CD151: variants seen among roughly 807,000 people sequenced by gnomAD.
CD151 encodes CD151 antigen.
A neutral mutation model predicts 34.2 loss-of-function variants in CD151; 20 were observed. The ratio of observed to expected loss-of-function variants is 0.58; its 90% CI spans 0.41 to 0.85. The LOEUF is 0.85. CD151 is among the 40% of genes least tolerant of loss of function. The pLI is 0.00. For missense variants in CD151, 306 were observed against 324.5 expected (o/e 0.94, Z 0.44); for synonymous variants, 157 against 131.7 (o/e 1.19, Z -1.32).
intron 4 of CD151, 47 bp downstream of exon 4, chr11:836,489 CAAG>C (rs1372832221): frequency 7.1e-7 from 1 of 1,409,880 alleles, no homozygotes; most frequent in Admixed American, 2.0e-5. Context: ...CAGATGGGCC[CAAG>C]GAGGTTGTCG....
intron 1 of CD151, chr11:834,161 C>G (rs1038940734): frequency 5.3e-5 from 8 of 152,072 alleles, no homozygotes; most frequent in African/African-American, 1.9e-4. Context: ...GAGTTCGAGA[C>G]CAGCCTGGTC....
intron 1 of CD151, 112 bp downstream of exon 1, chr11:833,138 C>CCCGGAGGCCCTGCGCGCCCCAGT (rs1846593076): frequency 6.7e-6 from 1 of 148,834 alleles, no homozygotes; most frequent in African/African-American, 2.5e-5. Flanking sequence ...CGCGCCCCAG[C>CCCGGAGGCCCTGCGCGCCCCAGT]CCCGGAGGCC....
intron 1 of CD151, among the ~76,000 whole-genome samples, chr11:833,495 C>T (rs1184731905): frequency 6.6e-6 from 1 of 152,236 alleles, no homozygotes; most frequent in African/African-American, 2.4e-5. Context: ...GCCCCGGGGA[C>T]GCTTGGCAGG....
chr11:834,230 G>A (rs1477203540), intron 1 of CD151, among the ~76,000 whole-genome samples: 2 of 152,150 alleles, frequency 1.3e-5, no homozygotes, highest in Non-Finnish European at 2.9e-5. Flanking sequence ...GTGGTGGTGG[G>A]TGCCTGTAAT....
rs766643476 is a variant in CD151, at chr11:837,239, C to G, written c.352-11C>G. On this transcript the variant is annotated splice_polypyrimidine_tract_variant and intron_variant, in intron 5 of 8. Transcript: ENST00000397420. ...AGACTGAGGCTGAAGTTTCCTGCAC[C>G]CCAACCCCAGCTGAACACGGAGCTC... is the stretch of plus-strand genomic sequence containing the variant. 6 of 1,608,834 alleles carry G rather than the reference C, an allele frequency of 3.7e-6. No homozygotes were observed. In the Admixed American group the frequency reaches 1.0e-4, roughly 27 times the overall value.
rs1590211526 is a variant in CD151, at chr11:838,297, A to C, written c.*105A>C. On this transcript the variant is annotated 3_prime_UTR_variant, in exon 9 of 9. Transcript: ENST00000397420. ...ACACCCACCCTGTGCCATCACCATA[A>C]CCTCTGGGGACCCCAACCTCAGAGG... 7 of 820,604 alleles carry C rather than the reference A, an allele frequency of 8.5e-6. No individual in the cohort carries two copies. Among genetic ancestry groups the C allele is most frequent in the Middle Eastern group, 2.4e-4 (1 of 4,156 alleles). 50.8% of individuals were successfully genotyped at this position (820,604 alleles called of 1,614,324 possible). A position where few individuals can be genotyped will look rare whatever the true frequency, so the allele number is the denominator to read the frequency against.
In CD151 at chr11:836,055, C is replaced by T. The variant is rs777283624; in HGVS notation, c.-7-8C>T. The T allele has an allele frequency of 1.9e-6, 3 of 1,588,546 alleles. No individual in the cohort carries two copies. Among genetic ancestry groups the T allele is most frequent in the Admixed American group, 1.7e-5 (1 of 59,922 alleles). On this transcript the variant is annotated splice_polypyrimidine_tract_variant and splice_region_variant and intron_variant, in intron 2 of 8. Transcript: ENST00000397420. The stretch of plus-strand genomic sequence containing the variant: ...GTGGCCCCGCTGACCCCTCCCCTGC[C>T]TCCTCAGCCCCAGGATGGGTGAGTT...
intron 7 of CD151, among the ~76,000 whole-genome samples, 156 bp downstream of exon 7, chr11:837,774 A>G (rs541540091): frequency 2.0e-5 from 3 of 152,266 alleles, no homozygotes; most frequent in Admixed American, 6.5e-5. Flanking sequence ...CACACCTCCA[A>G]TATCTACGAG....
In CD151 at chr11:836,115, C is replaced by T. The variant is rs1846754742; in HGVS notation, c.46C>T (p.Leu16Phe). Reference protein sequence around the residue: ...EKKTTCGTVCLKYLLFTYNCC... With the variant: ...EKKTTCGTVCFKYLLFTYNCC... ...GAAGACAACATGTGGCACCGTTTGC[C>T]TCAAGTACCTGCTGTTTACCTACAA... The change falls in exon 3 of 9, where the codon CTC becomes TTC. Residue 16 changes from leucine (L) to phenylalanine (F), a missense_variant. By Grantham distance (22) the Leu-to-Phe change is conservative. Transcript: ENST00000397420. 3 of 1,612,876 alleles carry T rather than the reference C, an allele frequency of 1.9e-6. No homozygotes were observed. The highest frequency in any genetic ancestry group is 1.3e-5 in the African/African-American group (1 of 74,934).
Position 838,433 on chromosome 11 carries a change from C to T in CD151, c.*241C>T. On this transcript the variant is annotated 3_prime_UTR_variant, in exon 9 of 9. Coordinates refer to ENST00000397420, the MANE Select transcript of CD151 (RefSeq NM_004357.5). ...TGGGGCTCCCCAGACACACTCTCTG[C>T]CTGGTGGTCAGATGCAGGTTGGAAG... is the stretch of plus-strand genomic sequence containing the variant. 3.4e-6 allele frequency: 2 copies of T among 592,310 alleles called. No homozygotes were observed. Among genetic ancestry groups the T allele is most frequent in the South Asian group, 4.0e-5 (2 of 50,044 alleles). The allele number at this position is 592,310 out of a possible 1,614,324, so 36.7% of individuals were successfully genotyped here. A position where few individuals can be genotyped will look rare whatever the true frequency, so the allele number is the denominator to read the frequency against.
Position 838,360 on chromosome 11 carries a change from C to A in CD151, c.*168C>A. The A allele has an allele frequency of 1.9e-6, 1 of 536,004 alleles. No homozygotes were observed. The allele number at this position is 536,004 out of a possible 1,614,324, so 33.2% of individuals were successfully genotyped here. ...CCTTTTGCTGCGCACCAATGCCCAG[C>A]AGGGGAGGTGAGGGGGGCTGGCGGG... is the stretch of plus-strand genomic sequence containing the variant. On this transcript the variant is annotated 3_prime_UTR_variant, in exon 9 of 9. Transcript: ENST00000397420.
Position 838,670 on chromosome 11 carries a change from A to C in CD151, c.*478A>C. ...CGACAGCGCCCCTGCTGTCTTCCCC[A>C]CCGCAGTCACCACCACCCGAAATGC... On this transcript the variant is annotated 3_prime_UTR_variant, in exon 9 of 9. Coordinates refer to ENST00000397420, the MANE Select transcript of CD151 (RefSeq NM_004357.5). 9.7e-6 allele frequency: 2 copies of C among 206,144 alleles called. No individual in the cohort carries two copies. Among genetic ancestry groups the C allele is most frequent in the Non-Finnish European group, 2.0e-5 (2 of 100,160 alleles). 12.8% of individuals were successfully genotyped at this position (206,144 alleles called of 1,614,324 possible). A position where few individuals can be genotyped will look rare whatever the true frequency, so the allele number is the denominator to read the frequency against.
At chr11:837,113 G>A in intron 5 of CD151, 137 bp from the exon 6 acceptor site, 1 of 724,644 alleles carries the variant, frequency 1.4e-6, no homozygotes, top group Non-Finnish European at 2.4e-6. Context: ...CTCCCCTCAT[G>A]CCGAGGTGTG....
At position 836,750 on chromosome 11, in the gene CD151, C is replaced by G. The variant is rs369569073; in HGVS notation, c.277-19C>G. ...CACTAGGCCTCAGAACAAGGGTGCCCTTGTGCTGCCCCCCCCAGTACTTCA... is the reference window on the plus strand; with the variant it reads ...CACTAGGCCTCAGAACAAGGGTGCCGTTGTGCTGCCCCCCCCAGTACTTCA... On this transcript the variant is annotated intron_variant, in intron 4 of 8. Transcript: ENST00000397420. 1 of 1,612,140 alleles carries G rather than the reference C, an allele frequency of 6.2e-7. No individual in the cohort carries two copies.
chr11:833,663 A>T (rs1033329299), intron 1 of CD151, among the ~76,000 whole-genome samples: 1 of 152,118 alleles, frequency 6.6e-6, no homozygotes. Flanking sequence ...TCCTGGGAAG[A>T]GGGGCCACTC....
chr11:837,664 G>A, intron 7 of CD151, 46 bp downstream of exon 7: 1 of 1,528,032 alleles, frequency 6.5e-7, no homozygotes, highest in African/African-American at 1.6e-5. Context: ...CGAGGTGGTG[G>A]GGGGGCACCC....
rs200787857 is a variant in CD151 at position 836,177 on chromosome 11, C to T, written c.84+24C>T. The T allele has an allele frequency of 1.9e-5, 26 of 1,341,850 alleles. No homozygotes were observed. The African/African-American group carries it at 3.4e-4, about 18-fold the overall frequency. The allele number at this position is 1,341,850 out of a possible 1,614,324, so 83.1% of individuals were successfully genotyped here. Reference sequence around the variant, plus strand: ...GGGTGAGGAGGGGTCGCCTTGCCCCCACCCCCACCCCCACCCCTCCCGGGC... The same window carrying T: ...GGGTGAGGAGGGGTCGCCTTGCCCCTACCCCCACCCCCACCCCTCCCGGGC... On this transcript the variant is annotated intron_variant, in intron 3 of 8. Coordinates refer to ENST00000397420, the MANE Select transcript of CD151 (RefSeq NM_004357.5).
rs745331308 is a variant in CD151 at position 837,631 on chromosome 11, C to T, written c.615+13C>T. On this transcript the variant is annotated intron_variant, in intron 7 of 8. Transcript: ENST00000397420. ...CTACAAGGTGGAGGTGGGTGTGCAGCGGGATCATGCCTCCAGTGTCTACGA... is the reference window on the plus strand; with the variant it reads ...CTACAAGGTGGAGGTGGGTGTGCAGTGGGATCATGCCTCCAGTGTCTACGA... The T allele has an allele frequency of 2.0e-5, 32 of 1,608,594 alleles. No homozygotes were observed. The East Asian group carries it at 3.4e-4, about 17-fold the overall frequency.
At chr11:837,160 G>C in intron 5 of CD151, 90 bp from the exon 6 acceptor site, 1 of 1,083,116 alleles carries the variant, frequency 9.2e-7, no homozygotes, top group East Asian at 2.4e-5. Flanking sequence ...GCTGGGCCCC[G>C]GGCCTCCCCA....
Sources: gnomAD v4.1 joint callset for allele counts (sites outside exome capture counted in the v4.1 genomes callset) on GRCh38, gnomAD v4.1.1 for gene constraint, MANE v1.5 for transcripts, NCBI Gene and HGNC (gene_info 2026-07-23, HGNC 2026-07-21) for gene names.